Variants in BCL9 observed in about 807,000 individuals in gnomAD.
BCL9 encodes B-cell CLL/lymphoma 9 protein.
Under a neutral mutation model 88.5 loss-of-function variants are expected in BCL9, and 25 were observed. That is an observed-to-expected ratio of 0.28 (90% CI 0.21 to 0.39). The LOEUF (loss-of-function observed/expected upper bound fraction) is 0.39, where lower values mean the gene tolerates loss of function less well. Among genes scored for constraint, BCL9 ranks in the 10% least tolerant of loss-of-function variants. BCL9 has a pLI of 1.00. For missense variants in BCL9, 1,817 were observed against 1,877.8 expected (o/e 0.97, Z 0.60); for synonymous variants, 711 against 673.3 (o/e 1.06, Z -0.87).
In BCL9 at chr1:147,620,529, G is replaced by C; in HGVS notation, c.2374G>C (p.Gly792Arg). 1.2e-6 allele frequency: 2 copies of C among 1,614,174 alleles called. No individual in the cohort carries two copies. Among genetic ancestry groups the C allele is most frequent in the Non-Finnish European group, 1.7e-6 (2 of 1,180,016 alleles). ...ATTCCTTCCCATGTCTCAGGGTCCA[G>C]GCAGCAACAGTGGCTTGCGGAATCT... is the stretch of plus-strand genomic sequence containing the variant. ...RPFLPMSQGPGSNSGLRNLRE... is the reference protein window; with the variant it reads ...RPFLPMSQGPRSNSGLRNLRE... The change falls in exon 8 of 10, where the codon GGC becomes CGC. Residue 792 changes from glycine to arginine, a missense_variant. Gly to Arg is a moderately radical substitution (Grantham distance 125). This residue lies in a region of BCL9 where 1,228 missense variants were observed against 1,191.6 expected (regional missense o/e 1.03). Coordinates refer to ENST00000234739, the MANE Select transcript of BCL9 (RefSeq NM_004326.4).
chr1:147,603,568 C>A (rs1439530649), intron 1 of BCL9, among the ~76,000 whole-genome samples: 3 of 152,146 alleles, frequency 2.0e-5, no homozygotes, highest in African/African-American at 7.2e-5. Flanking sequence ...GTGGCACAAT[C>A]TCAGCTCACT....
Position 147,624,704 on chromosome 1 carries a change from C to G in BCL9, c.4026C>G (p.Pro1342=). 1 of 1,614,136 alleles carries G rather than the reference C, an allele frequency of 6.2e-7. No individual in the cohort carries two copies. Among genetic ancestry groups the G allele is most frequent in the Non-Finnish European group, 8.5e-7 (1 of 1,180,030 alleles). Reference sequence around the variant, plus strand: ...TGTCACCAGCACAATCTACAATGCCCGGCCAGCCCACCCTGATGAGCAATC... The same window carrying G: ...TGTCACCAGCACAATCTACAATGCCGGGCCAGCCCACCCTGATGAGCAATC... ...RMMSPAQSTM[P]GQPTLMSNPA... Residue 1342 remains proline, a synonymous_variant, in exon 10 of 10, where the codon CCC becomes CCG. Coordinates refer to ENST00000234739, the MANE Select transcript of BCL9 (RefSeq NM_004326.4). This position sits in a 1 kb window ranked among gnomAD's most constrained non-coding sequence, Gnocchi z 4.4.
chr1:147,558,213 A>T (rs1291692478), intron 1 of BCL9, among the ~76,000 whole-genome samples: 2 of 152,216 alleles, frequency 1.3e-5, no homozygotes, highest in Non-Finnish European at 1.5e-5. Context: ...GTCAAATAGC[A>T]TGTAAGTGTC....
chr1:147,576,732 G>A (rs1165479013), intron 1 of BCL9, among the ~76,000 whole-genome samples: 1 of 152,122 alleles, frequency 6.6e-6, no homozygotes, highest in Non-Finnish European at 1.5e-5. Context: ...CAAGCTGATA[G>A]GTTCCAGTCA....
rs781814700 is a variant in BCL9 at position 147,622,472 on chromosome 1, C to T, written c.3104C>T (p.Ser1035Leu). Residue 1035 changes from serine (S) to leucine (L), a missense_variant, in exon 9 of 10, where the codon TCA becomes TTA. By Grantham distance (145) the Ser-to-Leu change is moderately radical. Transcript: ENST00000234739. ...YHDAIKTVAS[S>L]DDDSPPARSP... ...GATGCTATCAAGACTGTGGCCAGCT[C>T]AGATGACGACTCCCCTCCAGCTCGT... 6.2e-7 allele frequency: 1 copy of T among 1,614,182 alleles called. No homozygotes were observed. Among genetic ancestry groups the T allele is most frequent in the South Asian group, 1.1e-5 (1 of 91,088 alleles).
chr1:147,581,565 G>C (rs1656372090), intron 1 of BCL9, among the ~76,000 whole-genome samples: 1 of 152,200 alleles, frequency 6.6e-6, no homozygotes, highest in Non-Finnish European at 1.5e-5. Context: ...TTTGTTTGGG[G>C]GAAGGTGGGT....
At chr1:147,612,775 T>A in intron 4 of BCL9, 108 bp from the exon 5 acceptor site, 1 of 1,111,750 alleles carries the variant, frequency 9.0e-7, no homozygotes, top group Non-Finnish European at 1.3e-6. Context: ...GGGTGGTTAT[T>A]TTAGTCCTAA....
chr1:147,623,162 A>G (rs2101625748), intron 9 of BCL9, among the ~76,000 whole-genome samples: 1 of 152,144 alleles, frequency 6.6e-6, no homozygotes, highest in East Asian at 1.9e-4. Context: ...TTCTATTCTG[A>G]TTGTTACAAA....
At chr1:147,550,579 G>T (rs782727864) in intron 1 of BCL9, among the ~76,000 whole-genome samples, 35 of 152,160 alleles carry the variant, frequency 2.3e-4, no homozygotes, top group Non-Finnish European at 4.7e-4. Context: ...ATATTGACAT[G>T]GATCCCACAG....
chr1:147,615,742 G>A (rs1248268325), intron 6 of BCL9, 61 bp from the exon 7 acceptor site: 133 of 1,377,318 alleles, frequency 9.7e-5, no homozygotes, highest in Non-Finnish European at 1.3e-4. Context: ...AAGTGCTTTG[G>A]AATTACAGTT....
At chr1:147,581,959 T>C (rs1553198684) in intron 1 of BCL9, among the ~76,000 whole-genome samples, 1 of 152,224 alleles carries the variant, frequency 6.6e-6, no homozygotes, top group African/African-American at 2.4e-5. Flanking sequence ...ACAAAATTAA[T>C]AACTATTCAT....
At chr1:147,560,871 T>A (rs1017287728) in intron 1 of BCL9, among the ~76,000 whole-genome samples, 10 of 152,212 alleles carry the variant, frequency 6.6e-5, no homozygotes, top group Non-Finnish European at 1.5e-4. Flanking sequence ...ATTAACAATA[T>A]ATGTAATTTA....
Position 147,608,330 on chromosome 1 carries a change from CTTT to C in BCL9, c.-260+1482_-260+1484del, listed in dbSNP as rs35324998. ...AATGCTAGACCTGGGTTTTGTTTTG[CTTT>C]TTTTTTTTTTTTTTTTTAGCACGGA... On this transcript the variant is annotated intron_variant, in intron 3 of 9. Coordinates refer to ENST00000234739, the MANE Select transcript of BCL9 (RefSeq NM_004326.4). Among the ~76,000 whole-genome samples the C allele has an allele frequency of 8.9e-3, 899 of 101,056 alleles. 66 individuals carry two copies. In the East Asian group the frequency reaches 0.22, roughly 24 times the overall value. 66.3% of individuals were successfully genotyped at this position (101,056 alleles called of 152,430 possible).
chr1:147,566,772 A>AG (rs1265365578), intron 1 of BCL9, among the ~76,000 whole-genome samples: 1 of 131,814 alleles, frequency 7.6e-6, no homozygotes, highest in Non-Finnish European at 1.7e-5. Flanking sequence ...AAAAGAAAAA[A>AG]AAAGAAAGTC....
intron 1 of BCL9, among the ~76,000 whole-genome samples, chr1:147,561,311 C>A (rs188087708): frequency 3.7e-4 from 57 of 152,306 alleles, no homozygotes; most frequent in African/African-American, 1.3e-3. Flanking sequence ...CGGGGAGGCA[C>A]AGACATGGAA....
At chr1:147,612,492 A>G (rs1346461252) in intron 4 of BCL9, among the ~76,000 whole-genome samples, 1 of 152,092 alleles carries the variant, frequency 6.6e-6, no homozygotes, top group Non-Finnish European at 1.5e-5. Flanking sequence ...GCTCTCCTAC[A>G]GCTGTTCCTT....
intron 1 of BCL9, among the ~76,000 whole-genome samples, chr1:147,542,930 A>C (rs1426874474): frequency 6.6e-6 from 1 of 152,192 alleles, no homozygotes; most frequent in African/African-American, 2.4e-5. Context: ...TGTGGCTTTT[A>C]GAGATTAAAT....
intron 1 of BCL9, among the ~76,000 whole-genome samples, chr1:147,573,768 G>A (rs1553197770): frequency 6.6e-6 from 1 of 152,150 alleles, no homozygotes; most frequent in Non-Finnish European, 1.5e-5. Flanking sequence ...AGTGAATATT[G>A]TTATTTTCCA....
chr1:147,544,132 T>C (rs1557815439), intron 1 of BCL9, among the ~76,000 whole-genome samples: 1 of 152,212 alleles, frequency 6.6e-6, no homozygotes, highest in African/African-American at 2.4e-5. Context: ...TCAGGGAACT[T>C]ACAGTCTTGT....
Sources: gnomAD v4.1 joint callset for allele counts (sites outside exome capture counted in the v4.1 genomes callset) on GRCh38, gnomAD v4.1.1 for gene constraint, gnomAD v4.1.1 regional missense constraint, Gnocchi (gnomAD v3.1) non-coding constraint, MANE v1.5 for transcripts, NCBI Gene and HGNC (gene_info 2026-07-23, HGNC 2026-07-21) for gene names.